BCO1: variants seen among roughly 807,000 people sequenced by gnomAD.
BCO1 encodes beta,beta-carotene 15,15'-dioxygenase.
A neutral mutation model predicts 56.3 loss-of-function variants in BCO1; 54 were observed. That is an observed-to-expected ratio of 0.96 (90% CI 0.77 to 1.20). BCO1 has a LOEUF of 1.20. Ranked by LOEUF, BCO1 falls within the 50% of genes most tolerant of loss-of-function variation. BCO1 has a pLI of 0.00. For synonymous variants in BCO1, 318 were observed against 266.1 expected, an observed-to-expected ratio of 1.20 and a Z score of -1.90; for missense variants, 801 against 690.9, an observed-to-expected ratio of 1.16 and a Z score of -1.79.
At chr16:81,276,412 C>A (rs923574508) in intron 7 of BCO1, among the ~76,000 whole-genome samples, 4 of 152,218 alleles carry the variant, frequency 2.6e-5, no homozygotes, top group Non-Finnish European at 4.4e-5. Context: ...GCCTTGCTTC[C>A]AATACCCGTC....
intron 2 of BCO1, among the ~76,000 whole-genome samples, chr16:81,248,197 T>C (rs1905540911): frequency 6.6e-6 from 1 of 151,604 alleles, no homozygotes; most frequent in South Asian, 2.1e-4. Flanking sequence ...AGATCAGGAG[T>C]TCGAGACCAG....
intron 9 of BCO1, among the ~76,000 whole-genome samples, chr16:81,286,160 T>A (rs1908168592): frequency 2.0e-5 from 3 of 152,188 alleles, no homozygotes; most frequent in Admixed American, 1.3e-4. Context: ...AGTGCTGGAT[T>A]ACAGCCTCGA....
chr16:81,240,048 T>G (rs1905044503), intron 1 of BCO1, among the ~76,000 whole-genome samples: 1 of 152,062 alleles, frequency 6.6e-6, no homozygotes. Flanking sequence ...AGCAATTGCC[T>G]TGGGAGTCTT....
At chr16:81,254,463 T>C (rs1226621279) in intron 2 of BCO1, among the ~76,000 whole-genome samples, 1 of 151,064 alleles carries the variant, frequency 6.6e-6, no homozygotes, top group East Asian at 1.9e-4. Context: ...TTTTTTTTTT[T>C]AATAGATAAG....
At chr16:81,276,785 G>C (rs572211308) in intron 7 of BCO1, among the ~76,000 whole-genome samples, 30 of 152,182 alleles carry the variant, frequency 2.0e-4, no homozygotes, top group Middle Eastern at 6.8e-3. Context: ...TTAAATTTAA[G>C]GCCAGGCATG....
At chr16:81,268,497 G>C (rs567868839) in intron 6 of BCO1, among the ~76,000 whole-genome samples, 6 of 152,308 alleles carry the variant, frequency 3.9e-5, no homozygotes, top group African/African-American at 1.4e-4. Flanking sequence ...CCTTAACCAT[G>C]TCTGCTACCA....
At chr16:81,268,659 A>C (rs543747949) in intron 6 of BCO1, among the ~76,000 whole-genome samples, 3 of 152,190 alleles carry the variant, frequency 2.0e-5, no homozygotes, top group Non-Finnish European at 2.9e-5. Flanking sequence ...GTATATGCAC[A>C]TATGCATGTA....
At chr16:81,252,842 A>C (rs2151931313) in intron 2 of BCO1, among the ~76,000 whole-genome samples, 1 of 152,308 alleles carries the variant, frequency 6.6e-6, no homozygotes, top group East Asian at 1.9e-4. Context: ...GTCAATGCGC[A>C]GGACCCCTTA....
At chr16:81,252,597 C>G (rs1270933004) in intron 2 of BCO1, among the ~76,000 whole-genome samples, 1 of 152,156 alleles carries the variant, frequency 6.6e-6, no homozygotes, top group Non-Finnish European at 1.5e-5. Context: ...AGGTCAAGCA[C>G]CTTAGCCAAT....
At chr16:81,271,117 T>A (rs13329780) in intron 7 of BCO1, among the ~76,000 whole-genome samples, 11,883 of 93,052 alleles carry the variant, frequency 0.13, 1,044 homozygotes, top group African/African-American at 0.29. Flanking sequence ...TATTTATTTT[T>A]TTTTTTATTT....
chr16:81,270,168 C>G lies in BCO1; in HGVS notation c.853C>G (p.His285Asp), dbSNP rs911831366. ...ATGTGTCCTTTTTCAGACTTATATC[C>G]ACATCATCGACCAAAGGACCAGGCA... ...AFHREEKTYI[H>D]IIDQRTRQPV... is the part of the protein sequence containing the mutation. The change falls in exon 7 of 11, where the codon CAC (histidine) becomes GAC (aspartate). Residue 285 changes from histidine to aspartate, a missense_variant. By Grantham distance (81) the His-to-Asp change is moderately conservative. Transcript: ENST00000258168. 6.2e-7 allele frequency: 1 copy of G among 1,614,126 alleles called. No individual in the cohort carries two copies. Among genetic ancestry groups the G allele is most frequent in the Non-Finnish European group, 8.5e-7 (1 of 1,180,034 alleles).
chr16:81,266,980 C>T (rs1471027486), intron 5 of BCO1, among the ~76,000 whole-genome samples: 7 of 152,204 alleles, frequency 4.6e-5, no homozygotes, highest in Admixed American at 4.6e-4. Flanking sequence ...GCAGATAACT[C>T]ATTATAAGCC....
chr16:81,279,552 C>T (rs1907747302), intron 7 of BCO1, among the ~76,000 whole-genome samples: 2 of 152,144 alleles, frequency 1.3e-5, no homozygotes, highest in African/African-American at 2.4e-5. Context: ...TCTTGTGAAT[C>T]ATTTGTGCAG....
rs763996311 is a variant in BCO1, at chr16:81,285,502, A to G, written c.1208-38A>G. On this transcript the variant is annotated intron_variant, in intron 8 of 10. Coordinates refer to ENST00000258168, the MANE Select transcript of BCO1 (RefSeq NM_017429.3). ...GAAGGGTGGATGCTCCCAGCCCCCAATGATAGGGGCTTCATCCACCTCCTC... is the reference window on the plus strand; with the variant it reads ...GAAGGGTGGATGCTCCCAGCCCCCAGTGATAGGGGCTTCATCCACCTCCTC... 165 of 1,451,702 alleles carry G rather than the reference A, an allele frequency of 1.1e-4. 1 individual carries two copies. The highest frequency in any genetic ancestry group is 5.0e-4 in the Admixed American group (30 of 59,770). The allele number at this position is 1,451,702 out of a possible 1,614,324, so 89.9% of individuals were successfully genotyped here.
rs1283768132 is a variant in BCO1 at position 81,287,272 on chromosome 16, G to GT, written c.1303-18dup. ...ATTCTCTCAAACAAGTCATTTATGT[G>GT]TTTTTCCTCGTTGGATGTACAGATA... On this transcript the variant is annotated intron_variant, in intron 9 of 10. Coordinates refer to ENST00000258168, the MANE Select transcript of BCO1 (RefSeq NM_017429.3). 1.9e-6 allele frequency: 3 copies of GT among 1,539,034 alleles called. No individual in the cohort carries two copies. The South Asian group carries it at 3.4e-5, about 17-fold the overall frequency.
chr16:81,278,611 C>T (rs1462837646), intron 7 of BCO1, among the ~76,000 whole-genome samples: 9 of 152,162 alleles, frequency 5.9e-5, no homozygotes, highest in Admixed American at 3.3e-4. Context: ...ATAATTACAG[C>T]TCAGGGCCAG....
intron 7 of BCO1, among the ~76,000 whole-genome samples, chr16:81,277,781 A>G (rs1169050180): frequency 6.6e-6 from 1 of 152,162 alleles, no homozygotes; most frequent in African/African-American, 2.4e-5. Flanking sequence ...GTCTTCCTAA[A>G]ACTGAGCATG....
chr16:81,254,909 G>A (rs887438981), intron 2 of BCO1, among the ~76,000 whole-genome samples: 7 of 152,034 alleles, frequency 4.6e-5, no homozygotes, highest in Non-Finnish European at 1.0e-4. Context: ...TGATCCTCCC[G>A]CCTCAGCCTC....
rs185983317 is a variant in BCO1 at position 81,270,535 on chromosome 16, A to G, written c.1101+119A>G. ...CAAATGAACTGTTCTTGAAAAAAAA[A>G]AAAGTTTTCATTGTTTTTCCCAAAG... On this transcript the variant is annotated intron_variant, in intron 7 of 10. Coordinates refer to ENST00000258168, the MANE Select transcript of BCO1 (RefSeq NM_017429.3). 2,336 of 1,395,218 alleles carry G rather than the reference A, an allele frequency of 1.7e-3. 8 individuals are homozygous for G. The highest frequency in any genetic ancestry group is 2.1e-3 in the Non-Finnish European group (2,147 of 1,024,460). The allele number at this position is 1,395,218 out of a possible 1,614,324, so 86.4% of individuals were successfully genotyped here.
Sources: gnomAD v4.1 joint callset for allele counts (sites outside exome capture counted in the v4.1 genomes callset) on GRCh38, gnomAD v4.1.1 for gene constraint, MANE v1.5 for transcripts, NCBI Gene and HGNC (gene_info 2026-07-23, HGNC 2026-07-21) for gene names.